RABEPK: variants seen among roughly 807,000 people sequenced by gnomAD.
RABEPK encodes 40 kDa Rab9 effector protein.
Under a neutral mutation model 34.1 loss-of-function variants are expected in RABEPK, and 27 were observed. That is an observed-to-expected ratio of 0.79 (90% CI 0.58 to 1.09). The LOEUF is 1.09. Ranked by LOEUF, RABEPK falls within the 50% of genes least tolerant of loss-of-function variation. The probability of loss-of-function intolerance (pLI) is 0.00; values close to 1 mark genes in which losing one functional copy is unlikely to be tolerated. For missense variants in RABEPK, 449 were observed against 462.6 expected (o/e 0.97, Z 0.27); for synonymous variants, 172 against 169.2 (o/e 1.02, Z -0.13).
At chr9:125,211,224 G>A (rs1269217872) in intron 3 of RABEPK, among the ~76,000 whole-genome samples, 2 of 151,036 alleles carry the variant, frequency 1.3e-5, no homozygotes, top group African/African-American at 4.9e-5. Context: ...GTGATAGGGC[G>A]AGACGCCATC....
intron 1 of RABEPK, 78 bp downstream of exon 1, chr9:125,200,984 A>G: frequency 2.6e-6 from 1 of 389,850 alleles, no homozygotes. Flanking sequence ...ACTCCATGCC[A>G]GGTCCATTGG....
chr9:125,230,123 C>T (rs1193682714), intron 6 of RABEPK, among the ~76,000 whole-genome samples: 1 of 152,042 alleles, frequency 6.6e-6, no homozygotes, highest in Non-Finnish European at 1.5e-5. Context: ...GCTACAACAC[C>T]CAGATAATTT....
At chr9:125,208,566 C>T (rs500438) in intron 3 of RABEPK, among the ~76,000 whole-genome samples, 45,181 of 150,570 alleles carry the variant, frequency 0.3, 7,089 homozygotes, top group East Asian at 0.53. Context: ...GACGGAGTCC[C>T]ACTCTGTTGC....
At chr9:125,213,685 A>G (rs538376501) in intron 4 of RABEPK, among the ~76,000 whole-genome samples, 163 bp downstream of exon 4, 36 of 152,356 alleles carry the variant, frequency 2.4e-4, no homozygotes, top group African/African-American at 8.7e-4. Flanking sequence ...CTTGTAGCAT[A>G]ATCTGAAAAC....
intron 2 of RABEPK, among the ~76,000 whole-genome samples, chr9:125,204,816 C>A (rs1209903863): frequency 6.6e-6 from 1 of 151,934 alleles, no homozygotes; most frequent in Non-Finnish European, 1.5e-5. Flanking sequence ...CTCTCTTTTC[C>A]CAGCTTATTT....
At chr9:125,206,271 G>T (rs1335873768) in intron 2 of RABEPK, among the ~76,000 whole-genome samples, 1 of 152,104 alleles carries the variant, frequency 6.6e-6, no homozygotes, top group Non-Finnish European at 1.5e-5. Flanking sequence ...GGGAGACCAG[G>T]GCAGAAGGAT....
intron 4 of RABEPK, 52 bp downstream of exon 4, chr9:125,213,574 C>A: frequency 1.7e-6 from 2 of 1,201,280 alleles, no homozygotes; most frequent in Non-Finnish European, 2.4e-6. Flanking sequence ...AACTTTCATG[C>A]ACACACACAC....
Position 125,220,542 on chromosome 9 carries a change from C to A in RABEPK, c.368C>A (p.Thr123Asn). Residue 123 changes from threonine to asparagine, a missense_variant, in exon 5 of 8, where the codon ACC (threonine) becomes AAC (asparagine). Transcript: ENST00000373538. The part of the protein sequence containing the change: ...RNCLQVLNPE[T>N]RTWTTPEVTS... ...GCCTGCATTCTCTCTGGCCCAGAAA[C>A]CAGGACGTGGACCACGCCAGAAGTG... The A allele has an allele frequency of 6.2e-7, 1 of 1,612,620 alleles. No homozygotes were observed. Among genetic ancestry groups the A allele is most frequent in the African/African-American group, 1.3e-5 (1 of 74,998 alleles).
intron 3 of RABEPK, among the ~76,000 whole-genome samples, chr9:125,211,826 A>C (rs1830606383): frequency 6.6e-6 from 1 of 152,164 alleles, no homozygotes; most frequent in Non-Finnish European, 1.5e-5. Context: ...AAAATTAGCC[A>C]GGCATAGTAG....
At position 125,227,786 on chromosome 9, in the gene RABEPK, C is replaced by A. The variant is rs199669787; in HGVS notation, c.527-124C>A. On this transcript the variant is annotated intron_variant, in intron 5 of 7. Coordinates refer to ENST00000373538, the MANE Select transcript of RABEPK (RefSeq NM_005833.4). Reference sequence around the variant, plus strand: ...GGCTGGGGGAGTTGGAGTGAATGACCCCAGGGTTGCTTCCTGCATGGGACA... The same window carrying A: ...GGCTGGGGGAGTTGGAGTGAATGACACCAGGGTTGCTTCCTGCATGGGACA... 8 of 813,048 alleles carry A rather than the reference C, an allele frequency of 9.8e-6. No individual in the cohort carries two copies. In the East Asian group the frequency reaches 1.6e-4, roughly 16 times the overall value. The allele number at this position is 813,048 out of a possible 1,614,324, so 50.4% of individuals were successfully genotyped here.
rs1223966848 is a variant in RABEPK, at chr9:125,222,602, T to C, written c.526+1902T>C. Among the ~76,000 whole-genome samples the C allele has an allele frequency of 2.0e-5, 3 of 149,842 alleles. No homozygotes were observed. In the Admixed American group the frequency reaches 2.0e-4, roughly 10 times the overall value. ...GGTGACGCACACCTGTAATCCCAGCTACTTGGGAGGCTGAGGCATGAGAAT... is the reference window on the plus strand; with the variant it reads ...GGTGACGCACACCTGTAATCCCAGCCACTTGGGAGGCTGAGGCATGAGAAT... On this transcript the variant is annotated intron_variant, in intron 5 of 7. Coordinates refer to ENST00000373538, the MANE Select transcript of RABEPK (RefSeq NM_005833.4).
intron 5 of RABEPK, among the ~76,000 whole-genome samples, chr9:125,227,339 C>T (rs879802372): frequency 6.6e-5 from 10 of 151,920 alleles, no homozygotes; most frequent in Non-Finnish European, 1.2e-4. Context: ...AAATGGCTTC[C>T]GGGTGCTGAG....
chr9:125,207,451 A>T, intron 2 of RABEPK, 113 bp from the exon 3 acceptor site: 1 of 1,111,608 alleles, frequency 9.0e-7, no homozygotes, highest in East Asian at 2.4e-5. Context: ...GTACAATTTA[A>T]AGTGTCTGCA....
At chr9:125,214,638 A>G (rs1830803995) in intron 4 of RABEPK, among the ~76,000 whole-genome samples, 1 of 152,198 alleles carries the variant, frequency 6.6e-6, no homozygotes, top group South Asian at 2.1e-4. Flanking sequence ...CCTGTGGGGA[A>G]GTGGACTTGT....
intron 7 of RABEPK, 65 bp downstream of exon 7, chr9:125,232,810 G>A (rs1832295926): frequency 1.3e-6 from 2 of 1,502,658 alleles, no homozygotes; most frequent in South Asian, 1.3e-5. Flanking sequence ...TGATGCGGTG[G>A]CTCACGCCTG....
chr9:125,216,789 C>T lies in RABEPK; in HGVS notation c.364+3267C>T, dbSNP rs145667080. ...CAGCCTGGCCAACATACTGAAAGCC[C>T]GTCTCTACTAAAAATACAAAAGAAA... On this transcript the variant is annotated intron_variant, in intron 4 of 7. Transcript: ENST00000373538. Among the ~76,000 whole-genome samples, 189 of 152,008 alleles carry T rather than the reference C, an allele frequency of 1.2e-3. 2 individuals are homozygous for T. Among genetic ancestry groups the T allele is most frequent in the African/African-American group, 4.3e-3 (180 of 41,464 alleles).
chr9:125,213,843 G>C (rs934470347), intron 4 of RABEPK, among the ~76,000 whole-genome samples: 2 of 152,286 alleles, frequency 1.3e-5, no homozygotes, highest in South Asian at 4.1e-4. Context: ...ACAAGAGGCC[G>C]GGCATGGTGG....
At chr9:125,220,449 GTTTGGAAAC>G in intron 4 of RABEPK, 81 bp from the exon 5 acceptor site, 6 of 1,522,580 alleles carry the variant, frequency 3.9e-6, no homozygotes, top group Non-Finnish European at 5.3e-6. Flanking sequence ...GGGGATTGGA[GTTTGGAAAC>G]TGACTTCACT....
chr9:125,224,444 T>G (rs115423626), intron 5 of RABEPK, among the ~76,000 whole-genome samples: 1,879 of 144,540 alleles, frequency 0.013, 42 homozygotes, highest in African/African-American at 0.045. Context: ...CTCTTAAAAG[T>G]AGGTATTGTC....
Sources: gnomAD v4.1 joint callset for allele counts (sites outside exome capture counted in the v4.1 genomes callset) on GRCh38, gnomAD v4.1.1 for gene constraint, MANE v1.5 for transcripts, NCBI Gene and HGNC (gene_info 2026-07-23, HGNC 2026-07-21) for gene names.